GLMN: variants seen among roughly 807,000 people sequenced by gnomAD.
The protein encoded by GLMN is glomulin, FKBP associated protein, also known as glomulin.
In GLMN, 75 loss-of-function variants were observed where a neutral mutation model predicts 87.8. That is an observed-to-expected ratio of 0.85 (90% confidence interval 0.71 to 1.04). The LOEUF is 1.04. GLMN is among the 50% of genes least tolerant of loss of function. GLMN has a pLI of 0.00. For missense variants in GLMN, 588 were observed against 658.8 expected, an observed-to-expected ratio of 0.89 and a Z score of 1.18; for synonymous variants, 206 against 221.6, an observed-to-expected ratio of 0.93 and a Z score of 0.63.
At position 92,297,487 on chromosome 1, in the gene GLMN, G is replaced by A; in HGVS notation, c.82C>T (p.Leu28=). The stretch of plus-strand genomic sequence containing the variant: ...CATCTTTGCCCAGCTAACTGAAATA[G>A]GCCAAAATCCTCTTCTTTAAAGTCT... ...EQDFKEEDFG[L]FQLAGQRCIE... Residue 28 remains leucine, a synonymous_variant, in exon 3 of 19, where the codon CTA becomes TTA. Coordinates refer to ENST00000370360, the MANE Select transcript of GLMN (RefSeq NM_053274.3). 6.2e-7 allele frequency: 1 copy of A among 1,611,060 alleles called. No individual in the cohort carries two copies. The highest frequency in any genetic ancestry group is 8.5e-7 in the Non-Finnish European group (1 of 1,179,226).
chr1:92,332,647 C>T, the GLMN span, among the ~76,000 whole-genome samples: 1 of 152,134 alleles, frequency 6.6e-6, no homozygotes, highest in Non-Finnish European at 1.5e-5. Flanking sequence ...GTGGGATTCA[C>T]TCCCTGAAAG....
At chr1:92,321,405 C>T in the GLMN span, among the ~76,000 whole-genome samples, 1 of 152,110 alleles carries the variant, frequency 6.6e-6, no homozygotes, top group East Asian at 1.9e-4. Context: ...GTATCTAAGA[C>T]TAAACTAACT....
chr1:92,255,773 G>A (rs905886370), intron 16 of GLMN, among the ~76,000 whole-genome samples: 2 of 152,110 alleles, frequency 1.3e-5, no homozygotes, highest in Non-Finnish European at 2.9e-5. Context: ...GTGTTTAGAG[G>A]GAAATTTTTA....
chr1:92,284,090 T>C (rs1459599689), intron 7 of GLMN, among the ~76,000 whole-genome samples: 1 of 152,198 alleles, frequency 6.6e-6, no homozygotes, highest in African/African-American at 2.4e-5. Context: ...AAGCTACCAC[T>C]GACTTTCTTC....
the GLMN span, among the ~76,000 whole-genome samples, chr1:92,306,468 C>G: frequency 6.6e-6 from 1 of 152,252 alleles, no homozygotes; most frequent in East Asian, 1.9e-4. Flanking sequence ...ACTCAATTGT[C>G]TATAAATGGT....
chr1:92,345,578 T>C, the GLMN span, among the ~76,000 whole-genome samples: 1 of 151,976 alleles, frequency 6.6e-6, no homozygotes, highest in African/African-American at 2.4e-5. Flanking sequence ...TTTCCCACAT[T>C]GTTCCTACAT....
chr1:92,258,183 C>G (rs1050624815), intron 16 of GLMN, among the ~76,000 whole-genome samples: 3 of 152,116 alleles, frequency 2.0e-5, no homozygotes, highest in African/African-American at 7.2e-5. Context: ...TAGAGAAATG[C>G]AAATCAAAAC....
chr1:92,258,610 G>A (rs1654580554), intron 16 of GLMN, among the ~76,000 whole-genome samples: 1 of 152,144 alleles, frequency 6.6e-6, no homozygotes, highest in Non-Finnish European at 1.5e-5. Flanking sequence ...GCAGGGACAC[G>A]GATGAAGCTG....
At chr1:92,314,006 G>C in the GLMN span, among the ~76,000 whole-genome samples, 3 of 152,166 alleles carry the variant, frequency 2.0e-5, no homozygotes, top group East Asian at 3.9e-4. Flanking sequence ...CCTTGCTCTG[G>C]ATTAGGCTTA....
chr1:92,307,135 G>T, the GLMN span: 1 of 1,191,272 alleles, frequency 8.4e-7, no homozygotes. Flanking sequence ...TCAACTGTAT[G>T]TAGGTAATGT....
At chr1:92,291,670 A>C in intron 3 of GLMN, 133 bp from the exon 4 acceptor site, 1 of 842,410 alleles carries the variant, frequency 1.2e-6, no homozygotes, top group Non-Finnish European at 2.0e-6. Context: ...ATGACATTTC[A>C]CCAGAGACTT....
the GLMN span, among the ~76,000 whole-genome samples, chr1:92,318,385 G>A: frequency 3.9e-5 from 6 of 152,196 alleles, no homozygotes; most frequent in African/African-American, 1.4e-4. Context: ...AGGACACTTA[G>A]TTACATATAG....
intron 16 of GLMN, among the ~76,000 whole-genome samples, chr1:92,256,332 G>GTACATTCTACC (rs1161775649): frequency 1.3e-5 from 2 of 151,988 alleles, no homozygotes; most frequent in African/African-American, 4.8e-5. Flanking sequence ...GTACAAAGAG[G>GTACATTCTACC]AGGTGGTACC....
Position 92,269,723 on chromosome 1 carries a change from C to T in GLMN, c.977G>A (p.Arg326Lys). Residue 326 changes from arginine (R) to lysine (K), a missense_variant and splice_region_variant, in exon 9 of 19, where the codon AGA becomes AAA. Coordinates refer to ENST00000370360, the MANE Select transcript of GLMN (RefSeq NM_053274.3). ...NMGHIEVFLQRTEESVISKGL... is the reference protein window; with the variant it reads ...NMGHIEVFLQKTEESVISKGL... ...TGAGATACCATCTAAACGATCTTAC[C>T]TTTGCAAAAAGACTTCAATGTGCCC... 6.2e-7 allele frequency: 1 copy of T among 1,603,816 alleles called. No individual in the cohort carries two copies. The highest frequency in any genetic ancestry group is 8.5e-7 in the Non-Finnish European group (1 of 1,170,894).
At chr1:92,261,202 A>AAGTT (rs1479861670) in intron 16 of GLMN, among the ~76,000 whole-genome samples, 4 of 152,356 alleles carry the variant, frequency 2.6e-5, no homozygotes, top group Admixed American at 2.6e-4. Flanking sequence ...GTGATTTAGA[A>AAGTT]AGTTCTGGCC....
intron 6 of GLMN, among the ~76,000 whole-genome samples, chr1:92,288,289 C>A (rs1649007127): frequency 1.3e-5 from 2 of 152,100 alleles, no homozygotes; most frequent in Non-Finnish European, 2.9e-5. Flanking sequence ...CTCCACAGAG[C>A]TACCTATATC....
the GLMN span, chr1:92,363,800 G>A: frequency 3.7e-6 from 1 of 273,916 alleles, no homozygotes; most frequent in South Asian, 3.9e-5. Context: ...TTTATGATTT[G>A]CTTAACATTT....
At chr1:92,284,341 G>A (rs1211300689) in intron 7 of GLMN, among the ~76,000 whole-genome samples, 1 of 152,100 alleles carries the variant, frequency 6.6e-6, no homozygotes, top group Non-Finnish European at 1.5e-5. Flanking sequence ...TCTGATCTTT[G>A]ACAAACCTGA....
the GLMN span, among the ~76,000 whole-genome samples, chr1:92,328,255 A>G: frequency 5.9e-5 from 9 of 152,212 alleles, no homozygotes; most frequent in East Asian, 1.3e-3. Flanking sequence ...ATGTTTTCCA[A>G]ACTTTTAGAT....
Sources: gnomAD v4.1 joint callset for allele counts (sites outside exome capture counted in the v4.1 genomes callset) on GRCh38, gnomAD v4.1.1 for gene constraint, MANE v1.5 for transcripts, NCBI Gene and HGNC (gene_info 2026-07-23, HGNC 2026-07-21) for gene names.